Variants in TRPC5 observed in about 807,000 individuals in gnomAD.
TRPC5 encodes the protein short transient receptor potential channel 5.
In TRPC5, 9 loss-of-function variants were observed where a neutral mutation model predicts 56.5. That is an observed-to-expected ratio of 0.16 (90% CI 0.10 to 0.28). The LOEUF is 0.28. Among genes scored for constraint, TRPC5 ranks in the 10% least tolerant of loss-of-function variants. TRPC5 has a pLI of 1.00. For missense variants in TRPC5, 469 were observed against 748.9 expected, an observed-to-expected ratio of 0.63 and a Z score of 4.36; for synonymous variants, 282 against 278.5, an observed-to-expected ratio of 1.01 and a Z score of -0.13.
intron 1 of TRPC5, among the ~76,000 whole-genome samples, chrX:112,064,711 T>C (rs1930537977): frequency 8.9e-6 from 1 of 112,483 alleles, no homozygotes; most frequent in South Asian, 3.7e-4. Context: ...GGCATCTCTC[T>C]TTTATCCTAA....
chrX:111,873,732 C>T (rs746508013), intron 3 of TRPC5, among the ~76,000 whole-genome samples: 12 of 110,128 alleles, frequency 1.1e-4, no homozygotes, highest in Non-Finnish European at 1.7e-4. Context: ...TGCAGTGAGC[C>T]GAGATCGCAC....
At chrX:111,909,298 C>A (rs907696203) in intron 3 of TRPC5, among the ~76,000 whole-genome samples, 1 of 106,862 alleles carries the variant, frequency 9.4e-6, no homozygotes, top group Non-Finnish European at 1.9e-5. Flanking sequence ...CCACGGCACT[C>A]CAGCCTGGGT....
At chrX:112,063,925 G>A (rs1228058417) in intron 1 of TRPC5, among the ~76,000 whole-genome samples, 2 of 111,270 alleles carry the variant, frequency 1.8e-5, no homozygotes, top group African/African-American at 6.6e-5. Flanking sequence ...CCGAGCAGTT[G>A]GGACTACAGG....
chrX:111,847,254 G>A lies in TRPC5; in HGVS notation c.1560C>T (p.Phe520=). Residue 520 remains phenylalanine (F), a synonymous_variant, in exon 6 of 11, where the codon TTC becomes TTT. Coordinates refer to ENST00000262839, the MANE Select transcript of TRPC5 (RefSeq NM_012471.3). The stretch of plus-strand genomic sequence containing the variant: ...GTAGTACCAGGCAGTAGATAAAGAG[G>A]AATTTGAGGATATCAAGCAGCATGC... ...LGRMLLDILK[F]LFIYCLVLLA... The A allele has an allele frequency of 2.5e-6, 3 of 1,211,101 alleles. No homozygotes were observed. The highest frequency in any genetic ancestry group is 3.4e-6 in the Non-Finnish European group (3 of 895,491).
At chrX:111,790,775 C>T (rs1306533643) in intron 7 of TRPC5, among the ~76,000 whole-genome samples, 1 of 110,341 alleles carries the variant, frequency 9.1e-6, no homozygotes, top group Non-Finnish European at 1.9e-5. Flanking sequence ...AATCCCAGCA[C>T]TTTGGGAGGC....
At chrX:111,805,403 T>C (rs747266078) in intron 7 of TRPC5, among the ~76,000 whole-genome samples, 12 of 111,674 alleles carry the variant, frequency 1.1e-4, no homozygotes, top group African/African-American at 3.6e-4. Flanking sequence ...TTTCTATTGA[T>C]TGGACTAGTT....
intron 7 of TRPC5, among the ~76,000 whole-genome samples, chrX:111,805,548 A>C (rs1312976145): frequency 8.9e-6 from 1 of 111,762 alleles, no homozygotes; most frequent in African/African-American, 3.2e-5. Flanking sequence ...TTGAGCTGAA[A>C]AATCAAGCTG....
chrX:112,003,110 T>C (rs993508982), intron 1 of TRPC5, among the ~76,000 whole-genome samples: 2 of 111,536 alleles, frequency 1.8e-5, no homozygotes, highest in Non-Finnish European at 3.8e-5. Flanking sequence ...TAGCCAAGCA[T>C]TGGGCTAGGT....
At chrX:111,986,181 G>T (rs924871511) in intron 1 of TRPC5, among the ~76,000 whole-genome samples, 1 of 110,819 alleles carries the variant, frequency 9.0e-6, no homozygotes, top group Non-Finnish European at 1.9e-5. Context: ...TTTGCCACTG[G>T]AGGCCTTTTG....
At chrX:111,793,603 G>A (rs1447354877) in intron 7 of TRPC5, among the ~76,000 whole-genome samples, 2 of 111,728 alleles carry the variant, frequency 1.8e-5, no homozygotes, top group Non-Finnish European at 3.8e-5. Flanking sequence ...CTGCTCGTGT[G>A]TGTGTAAAAT....
At chrX:111,800,614 T>C (rs868381269) in intron 7 of TRPC5, among the ~76,000 whole-genome samples, 8 of 110,127 alleles carry the variant, frequency 7.3e-5, no homozygotes, top group Admixed American at 9.7e-5. Context: ...AATTTGCTTT[T>C]GTGGTGGTGC....
At chrX:111,883,105 G>T (rs989596141) in intron 3 of TRPC5, among the ~76,000 whole-genome samples, 2 of 101,223 alleles carry the variant, frequency 2.0e-5, no homozygotes, top group Non-Finnish European at 2.0e-5. Flanking sequence ...AAAAAAAAAA[G>T]ACCTAGTCAC....
At chrX:111,997,172 G>A (rs1298437839) in intron 1 of TRPC5, among the ~76,000 whole-genome samples, 1 of 111,529 alleles carries the variant, frequency 9.0e-6, no homozygotes, top group Non-Finnish European at 1.9e-5. Flanking sequence ...CTTCCTTCAG[G>A]AGCTCTTGTA....
At chrX:112,069,576 T>C (rs761593997) in intron 1 of TRPC5, among the ~76,000 whole-genome samples, 8 of 112,422 alleles carry the variant, frequency 7.1e-5, no homozygotes, top group African/African-American at 2.6e-4. Flanking sequence ...GCTGCAAGCC[T>C]CCAGGGGGCC....
At chrX:111,997,523 T>C (rs1303836110) in intron 1 of TRPC5, among the ~76,000 whole-genome samples, 1 of 111,201 alleles carries the variant, frequency 9.0e-6, no homozygotes, top group Non-Finnish European at 1.9e-5. Context: ...TTCCTGAATT[T>C]GAATGTTGGC....
chrX:112,036,074 A>G (rs113954815), intron 1 of TRPC5, among the ~76,000 whole-genome samples: 1,583 of 110,965 alleles, frequency 0.014, 25 homozygotes, highest in African/African-American at 0.049. Flanking sequence ...GAGCCCAGAA[A>G]GCAGCCAGAT....
At chrX:111,859,645 G>A (rs1189330315) in intron 3 of TRPC5, among the ~76,000 whole-genome samples, 2 of 112,029 alleles carry the variant, frequency 1.8e-5, no homozygotes, top group African/African-American at 6.5e-5. Flanking sequence ...GTCAGAAAGT[G>A]ACATTCTTTA....
rs916249240 is a variant in TRPC5 at position 111,772,338 on chromosome X, A to T, written c.*3975T>A. 8.9e-6 allele frequency among the ~76,000 whole-genome samples: 1 copy of T among 112,448 alleles called. No individual in the cohort carries two copies. The highest frequency in any genetic ancestry group is 1.9e-5 in the Non-Finnish European group (1 of 53,337). On this transcript the variant is annotated 3_prime_UTR_variant, in exon 11 of 11. Coordinates refer to ENST00000262839, the MANE Select transcript of TRPC5 (RefSeq NM_012471.3). The stretch of plus-strand genomic sequence containing the variant: ...TAGGTATGAAGAGGTTATTTAAATG[A>T]TCTGAACACTTGGATCAATTTGCAT...
At chrX:111,994,487 T>C (rs968086789) in intron 1 of TRPC5, among the ~76,000 whole-genome samples, 2 of 111,702 alleles carry the variant, frequency 1.8e-5, no homozygotes, top group African/African-American at 6.5e-5. Context: ...TATAAATTAC[T>C]TTGGGCAGTA....
Sources: gnomAD v4.1 joint callset for allele counts (sites outside exome capture counted in the v4.1 genomes callset) on GRCh38, gnomAD v4.1.1 for gene constraint, MANE v1.5 for transcripts, NCBI Gene and HGNC (gene_info 2026-07-23, HGNC 2026-07-21) for gene names.